ARHGAP31: variants seen among roughly 807,000 people sequenced by gnomAD.
The protein encoded by ARHGAP31 is Rho GTPase activating protein 31.
A neutral mutation model predicts 113.9 loss-of-function variants in ARHGAP31; 34 were observed. That is an observed-to-expected ratio of 0.30 (90% CI 0.23 to 0.40). The LOEUF (loss-of-function observed/expected upper bound fraction) is 0.40, where lower values mean the gene tolerates loss of function less well. Among genes scored for constraint, ARHGAP31 ranks in the 10% least tolerant of loss-of-function variants. ARHGAP31 has a pLI of 1.00. For synonymous variants in ARHGAP31, 650 were observed against 684.8 expected (o/e 0.95, Z 0.79); for missense variants, 1,548 against 1,767.1 (o/e 0.88, Z 2.22).
intron 3 of ARHGAP31, among the ~76,000 whole-genome samples, chr3:119,370,843 T>C (rs146290924): frequency 1.4e-3 from 214 of 152,314 alleles, no homozygotes; most frequent in East Asian, 0.014. Flanking sequence ...CTATTTTTTG[T>C]TTGTTTATAT....
At chr3:119,318,352 G>A (rs17281570) in intron 1 of ARHGAP31, among the ~76,000 whole-genome samples, 10,036 of 152,238 alleles carry the variant, frequency 0.066, 354 homozygotes, top group Non-Finnish European at 0.08. Context: ...ATCGATTTAA[G>A]TTATCTCCAT....
chr3:119,295,082 T>C (rs951932634), intron 1 of ARHGAP31, 78 bp downstream of exon 1: 1 of 1,327,498 alleles, frequency 7.5e-7, no homozygotes, highest in East Asian at 2.3e-5. Context: ...CGAGTTGTGA[T>C]AGAGTCGGTT....
At chr3:119,340,921 A>G (rs1294195508) in intron 1 of ARHGAP31, among the ~76,000 whole-genome samples, 1 of 152,202 alleles carries the variant, frequency 6.6e-6, no homozygotes, top group African/African-American at 2.4e-5. Flanking sequence ...CACTTTAACT[A>G]TACCCGATTT....
intron 1 of ARHGAP31, among the ~76,000 whole-genome samples, chr3:119,306,153 T>A (rs923356799): frequency 6.6e-6 from 1 of 152,238 alleles, no homozygotes; most frequent in Non-Finnish European, 1.5e-5. Flanking sequence ...ATTCTTGCTT[T>A]TAAATTTTAA....
At chr3:119,399,797 T>G (rs2080584168) in intron 9 of ARHGAP31, among the ~76,000 whole-genome samples, 1 of 152,256 alleles carries the variant, frequency 6.6e-6, no homozygotes, top group Non-Finnish European at 1.5e-5. Context: ...ACCAGCTATG[T>G]ATCAGCCATG....
chr3:119,318,537 C>T (rs1001074878), intron 1 of ARHGAP31, among the ~76,000 whole-genome samples: 2 of 152,156 alleles, frequency 1.3e-5, no homozygotes, highest in Non-Finnish European at 2.9e-5. Context: ...CCTTAGTTAG[C>T]AAATTAAGGA....
chr3:119,314,839 A>G (rs1176221566), intron 1 of ARHGAP31: 1 of 152,236 alleles, frequency 6.6e-6, no homozygotes, highest in Non-Finnish European at 1.5e-5. Flanking sequence ...TTTGAATACT[A>G]TGATTGTACA....
chr3:119,330,477 A>G (rs1289451114), intron 1 of ARHGAP31, among the ~76,000 whole-genome samples: 1 of 152,204 alleles, frequency 6.6e-6, no homozygotes, highest in Non-Finnish European at 1.5e-5. Context: ...CCTGGCTCTC[A>G]GTGGCTTTGT....
chr3:119,400,382 G>A (rs777172862), intron 9 of ARHGAP31, among the ~76,000 whole-genome samples: 6 of 152,200 alleles, frequency 3.9e-5, no homozygotes, highest in East Asian at 3.9e-4. Context: ...GCTGAGGCAC[G>A]AGAATCGTTT....
intron 8 of ARHGAP31, among the ~76,000 whole-genome samples, chr3:119,397,703 G>A (rs2080564816): frequency 6.6e-6 from 1 of 152,244 alleles, no homozygotes; most frequent in Admixed American, 6.5e-5. Flanking sequence ...GAAGGAGCAG[G>A]TTTGGATCAA....
intron 6 of ARHGAP31, 79 bp downstream of exon 6, chr3:119,383,305 AGGGTG>A: frequency 6.3e-7 from 1 of 1,576,058 alleles, no homozygotes; most frequent in African/African-American, 1.3e-5. Context: ...ACAGAAAGTG[AGGGTG>A]GGCTTAGTTC....
At chr3:119,350,411 C>G (rs1268688741) in intron 1 of ARHGAP31, among the ~76,000 whole-genome samples, 1 of 152,100 alleles carries the variant, frequency 6.6e-6, no homozygotes, top group Non-Finnish European at 1.5e-5. Flanking sequence ...CCCAAGATGA[C>G]GTCATTTTTT....
chr3:119,319,764 G>C (rs2079766073), intron 1 of ARHGAP31, among the ~76,000 whole-genome samples: 1 of 152,218 alleles, frequency 6.6e-6, no homozygotes, highest in South Asian at 2.1e-4. Flanking sequence ...TGAGGTTGGT[G>C]AGATGGTCAA....
rs1328006366 is a variant in ARHGAP31, at chr3:119,415,264, C to T, written c.3335C>T (p.Ala1112Val). 1 of 1,614,188 alleles carries T rather than the reference C, an allele frequency of 6.2e-7. No individual in the cohort carries two copies. Among genetic ancestry groups the T allele is most frequent in the East Asian group, 2.2e-5 (1 of 44,872 alleles). Residue 1112 changes from alanine to valine, a missense_variant, in exon 12 of 12, where the codon GCC becomes GTC. Physicochemically the swap from Ala to Val is moderately conservative, Grantham distance 64. Coordinates refer to ENST00000264245, the MANE Select transcript of ARHGAP31 (RefSeq NM_020754.4). ...NRPSSLNLDP[A>V]IPIADLFWFE... ...CCTTCTTCCCTCAACTTGGACCCTG[C>T]CATTCCCATTGCTGACCTCTTCTGG...
At chr3:119,306,428 G>A (rs370718379) in intron 1 of ARHGAP31, among the ~76,000 whole-genome samples, 1 of 152,084 alleles carries the variant, frequency 6.6e-6, no homozygotes, top group Non-Finnish European at 1.5e-5. Context: ...ATGGTGGCGC[G>A]TGCCTGTAAT....
chr3:119,324,699 G>A (rs907652918), intron 1 of ARHGAP31, among the ~76,000 whole-genome samples: 2 of 152,212 alleles, frequency 1.3e-5, no homozygotes, highest in Non-Finnish European at 1.5e-5. Flanking sequence ...AAGGATAGAC[G>A]TGGAAAAACA....
At chr3:119,307,092 C>T (rs2079637221) in intron 1 of ARHGAP31, among the ~76,000 whole-genome samples, 1 of 151,564 alleles carries the variant, frequency 6.6e-6, no homozygotes, top group Non-Finnish European at 1.5e-5. Flanking sequence ...ACCAATTAAC[C>T]TATCCGCAGT....
chr3:119,337,451 A>G (rs2079966342), intron 1 of ARHGAP31, among the ~76,000 whole-genome samples: 1 of 152,232 alleles, frequency 6.6e-6, no homozygotes, highest in Non-Finnish European at 1.5e-5. Context: ...AAGAGTGACC[A>G]GCACCAACAT....
intron 10 of ARHGAP31, among the ~76,000 whole-genome samples, chr3:119,408,833 A>C (rs2080688939): frequency 1.3e-5 from 2 of 152,210 alleles, no homozygotes; most frequent in Non-Finnish European, 2.9e-5. Context: ...CTGATCTCGT[A>C]GATGTTTAAG....
Sources: allele counts gnomAD v4.1 joint callset (sites outside exome capture counted in the v4.1 genomes callset), GRCh38; gene constraint gnomAD v4.1.1; transcripts MANE v1.5; gene names NCBI Gene and HGNC (gene_info 2026-07-23, HGNC 2026-07-21).